The following PMPCB variants were observed in gnomAD, a reference collection of about 807,000 sequenced individuals.
PMPCB encodes the protein mitochondrial-processing peptidase subunit beta.
In PMPCB, 46 loss-of-function variants were observed where a neutral mutation model predicts 61.5. The observed-to-expected ratio is 0.75, with a 90% CI of 0.59 to 0.96. The LOEUF is 0.96. Ranked by LOEUF, PMPCB falls within the 40% of genes least tolerant of loss-of-function variation. PMPCB has a pLI of 0.00. For missense variants in PMPCB, 590 were observed against 602.4 expected, an observed-to-expected ratio of 0.98 and a Z score of 0.22; for synonymous variants, 191 against 201.6, an observed-to-expected ratio of 0.95 and a Z score of 0.44.
At chr7:103,326,458 T>C (rs765918222) in intron 12 of PMPCB, 5 of 1,321,842 alleles carry the variant, frequency 3.8e-6, no homozygotes, top group Non-Finnish European at 5.4e-6. Context: ...ATGAAACTAT[T>C]ATCAGAGGGA....
At chr7:103,327,650 T>C in intron 12 of PMPCB, 1 of 1,562,068 alleles carries the variant, frequency 6.4e-7, no homozygotes, top group Non-Finnish European at 8.8e-7. Context: ...TAAAGCATTT[T>C]CTTACCTTTA....
At position 103,312,250 on chromosome 7, in the gene PMPCB, CAT is replaced by C. The variant is rs767344978; in HGVS notation, c.1450_1451del (p.Met484ValfsTer5). The C allele has an allele frequency of 2.3e-5, 37 of 1,611,966 alleles. No homozygotes were observed. The highest frequency in any genetic ancestry group is 6.7e-5 in the Admixed American group (4 of 60,008). ...LPDFKQIRSN[M>X]CWLRD ...CAGATTTTAAACAGATACGCAGTAA[CAT>C]GTGTTGGCTTCGTGATTAAAATGCT... On this transcript the variant is annotated frameshift_variant, in exon 13 of 13. Transcript: ENST00000249269. LOFTEE classifies it high-confidence loss of function.
chr7:103,299,341 G>A (rs1390273223), intron 2 of PMPCB, 102 bp from the exon 3 acceptor site: 2 of 671,166 alleles, frequency 3.0e-6, no homozygotes, highest in Non-Finnish European at 5.1e-6. Flanking sequence ...AAATCTTAGT[G>A]TTAAGACCAG....
At chr7:103,328,441 G>A (rs1412061408) in intron 12 of PMPCB, among the ~76,000 whole-genome samples, 1 of 151,870 alleles carries the variant, frequency 6.6e-6, no homozygotes, top group Non-Finnish European at 1.5e-5. Context: ...GACTAGCCTG[G>A]CCAATATGGC....
downstream of PMPCB, among the ~76,000 whole-genome samples, chr7:103,319,079 G>C (rs574361935): frequency 6.6e-6 from 1 of 152,178 alleles, no homozygotes; most frequent in South Asian, 2.1e-4. Flanking sequence ...GGGCATGGTG[G>C]CACACACCTG....
the PMPCB span, chr7:103,342,094 T>A: frequency 1.9e-6 from 1 of 540,404 alleles, no homozygotes; most frequent in Non-Finnish European, 3.0e-6. Context: ...CGAAAATAAT[T>A]GCAGTCATCC....
rs778248883 is a variant in PMPCB, at chr7:103,303,999, T to C, written c.615T>C (p.Thr205=). 1 of 1,614,066 alleles carries C rather than the reference T, an allele frequency of 6.2e-7. No individual in the cohort carries two copies. ...TTCATGCCACAGCTTATCAAAATAC[T>C]GCACTTGGACGGACAATTTTGGGAC... is the stretch of plus-strand genomic sequence containing the variant. ...DYLHATAYQN[T]ALGRTILGPT... The change falls in exon 5 of 13, where the codon ACT becomes ACC. Residue 205 remains threonine, a synonymous_variant. Transcript: ENST00000249269.
the PMPCB span, among the ~76,000 whole-genome samples, chr7:103,346,216 T>C: frequency 6.6e-6 from 1 of 152,124 alleles, no homozygotes; most frequent in Non-Finnish European, 1.5e-5. Flanking sequence ...CACTGCAATC[T>C]CTGCCTCCCA....
At chr7:103,303,137 A>C (rs536533916) in intron 4 of PMPCB, among the ~76,000 whole-genome samples, 1 of 152,172 alleles carries the variant, frequency 6.6e-6, no homozygotes, top group Non-Finnish European at 1.5e-5. Context: ...TTTAGATTGT[A>C]AGGATTCTTT....
intron 4 of PMPCB, among the ~76,000 whole-genome samples, chr7:103,302,679 C>A (rs1817481120): frequency 6.6e-6 from 1 of 152,176 alleles, no homozygotes; most frequent in South Asian, 2.1e-4. Flanking sequence ...ATAATCAGTT[C>A]TGAGACAGTG....
At chr7:103,341,134 G>A in the PMPCB span, among the ~76,000 whole-genome samples, 1 of 152,122 alleles carries the variant, frequency 6.6e-6, no homozygotes, top group African/African-American at 2.4e-5. Context: ...TAAGTTCAAG[G>A]ATTCAGTCAC....
the PMPCB span, among the ~76,000 whole-genome samples, chr7:103,343,864 C>T: frequency 6.6e-6 from 1 of 152,162 alleles, no homozygotes; most frequent in Non-Finnish European, 1.5e-5. Context: ...AAATGCAACA[C>T]GTGCCATGGG....
At chr7:103,342,112 A>G in the PMPCB span, among the ~76,000 whole-genome samples, 7 of 152,216 alleles carry the variant, frequency 4.6e-5, no homozygotes, top group South Asian at 8.3e-4. Context: ...TCCAGTTTAC[A>G]TGAGGGTTAG....
chr7:103,297,443 C>A lies in PMPCB; in HGVS notation c.-17C>A. On this transcript the variant is annotated 5_prime_UTR_variant, in exon 1 of 13. Transcript: ENST00000249269. The stretch of plus-strand genomic sequence containing the variant: ...CCGGAAGCACATCCTTCATCCTCTA[C>A]CTTCCTTCTAGCAGAAATGGCGGCT... The A allele has an allele frequency of 6.5e-7, 1 of 1,540,938 alleles. No homozygotes were observed.
In PMPCB at chr7:103,298,587, A is replaced by G. The variant is rs374311302; in HGVS notation, c.119A>G (p.Asn40Ser). 1.9e-6 allele frequency: 3 copies of G among 1,613,986 alleles called. No homozygotes were observed. The highest frequency in any genetic ancestry group is 2.5e-6 in the Non-Finnish European group (3 of 1,179,974). ...AACCAGTCATTATATTTTGGAGAGA[A>G]CAGATTAAGAAGTACACAGGCTGCT... ...AAGRSLYFGE[N>S]RLRSTQAATQ... Residue 40 changes from asparagine to serine, a missense_variant, in exon 2 of 13, where the codon AAC (asparagine) becomes AGC (serine). By Grantham distance (46) the Asn-to-Ser change is conservative. Transcript: ENST00000249269.
chr7:103,320,636 C>T (rs1174398715), intron 12 of PMPCB, among the ~76,000 whole-genome samples: 3 of 150,712 alleles, frequency 2.0e-5, no homozygotes, highest in Non-Finnish European at 4.4e-5. Context: ...CCCAGCTACT[C>T]GGGAGGCTGA....
At chr7:103,314,729 C>G, downstream of PMPCB, 1 of 795,032 alleles carries the variant, frequency 1.3e-6, no homozygotes, top group Non-Finnish European at 1.5e-6. Context: ...TTTTCCTCCC[C>G]TATATTAACA....
chr7:103,339,327 C>T, the PMPCB span, among the ~76,000 whole-genome samples: 2 of 152,198 alleles, frequency 1.3e-5, no homozygotes, highest in Admixed American at 6.5e-5. Flanking sequence ...CTACCTTACT[C>T]TGATACAATC....
At chr7:103,328,366 C>T (rs1279989057) in intron 12 of PMPCB, among the ~76,000 whole-genome samples, 1 of 151,924 alleles carries the variant, frequency 6.6e-6, no homozygotes, top group Non-Finnish European at 1.5e-5. Flanking sequence ...CATGGTGGCT[C>T]ATGCTTGTAA....
Sources: allele counts gnomAD v4.1 joint callset (sites outside exome capture counted in the v4.1 genomes callset), GRCh38; gene constraint gnomAD v4.1.1; transcripts MANE v1.5; gene names NCBI Gene and HGNC (gene_info 2026-07-23, HGNC 2026-07-21).